The following TMCC3 variants were observed in gnomAD, a reference collection of about 807,000 sequenced individuals.
TMCC3 encodes the protein transmembrane and coiled-coil domain family 3, also known as transmembrane and coiled-coil domain protein 3.
In TMCC3, 28 loss-of-function variants were observed where a neutral mutation model predicts 40.2. The ratio of observed to expected loss-of-function variants is 0.70; its 90% CI spans 0.52 to 0.95. The LOEUF is 0.95. TMCC3 is among the 40% of genes least tolerant of loss of function. The pLI is 0.00. For missense variants in TMCC3, 554 were observed against 615.2 expected (o/e 0.90, Z 1.05); for synonymous variants, 255 against 248.5 (o/e 1.03, Z -0.25).
chr12:94,574,724 C>T (rs1387214315), intron 3 of TMCC3, among the ~76,000 whole-genome samples: 1 of 152,208 alleles, frequency 6.6e-6, no homozygotes, highest in Non-Finnish European at 1.5e-5. Context: ...TCAGCAATAA[C>T]AGGCATGTAC....
At chr12:94,620,651 C>T (rs575937536) in intron 1 of TMCC3, among the ~76,000 whole-genome samples, 376 of 151,824 alleles carry the variant, frequency 2.5e-3, no homozygotes, top group Non-Finnish European at 4.5e-3. Flanking sequence ...AAAATGTGAA[C>T]CTTTATCATT....
intron 3 of TMCC3, among the ~76,000 whole-genome samples, chr12:94,575,171 T>C (rs1566312790): frequency 6.6e-6 from 1 of 152,180 alleles, no homozygotes; most frequent in Admixed American, 6.5e-5. Flanking sequence ...AGCCTCCCTG[T>C]CTCTGGCAGC....
chr12:94,626,442 T>C (rs2068904499), intron 1 of TMCC3, among the ~76,000 whole-genome samples: 1 of 152,222 alleles, frequency 6.6e-6, no homozygotes, highest in African/African-American at 2.4e-5. Flanking sequence ...ATTAGACTTA[T>C]TTAAATTAAT....
At chr12:94,589,290 G>A (rs941035346) in intron 1 of TMCC3, among the ~76,000 whole-genome samples, 2 of 152,178 alleles carry the variant, frequency 1.3e-5, no homozygotes, top group African/African-American at 4.8e-5. Flanking sequence ...GAATGTGCTA[G>A]GCTTTGCCAT....
At chr12:94,594,610 A>G (rs749373246) in intron 1 of TMCC3, among the ~76,000 whole-genome samples, 2 of 152,170 alleles carry the variant, frequency 1.3e-5, no homozygotes, top group Non-Finnish European at 2.9e-5. Context: ...AGGGGAAGCC[A>G]GCAAGGAAGG....
chr12:94,578,402 C>G lies in TMCC3; in HGVS notation c.1123G>C (p.Asp375His), dbSNP rs1181406686. Reference protein sequence around the residue: ...VAYQAYERSRDIQEALESCQT... With the variant: ...VAYQAYERSRHIQEALESCQT... ...CACAAAGGGAAAGGTACCTGGATGT[C>G]CCGCGAGCGCTCGTAGGCCTGGTAG... The change falls in exon 3 of 4, where the codon GAC becomes CAC. Residue 375 changes from aspartate (D) to histidine (H), a missense_variant. Asp to His is a moderately conservative substitution (Grantham distance 81, BLOSUM62 -1). Coordinates refer to ENST00000261226, the MANE Select transcript of TMCC3 (RefSeq NM_020698.4). 2.0e-5 allele frequency: 32 copies of G among 1,613,674 alleles called. No homozygotes were observed. The highest frequency in any genetic ancestry group is 2.7e-5 in the Non-Finnish European group (32 of 1,179,826).
chr12:94,635,957 C>T (rs1267255561), intron 1 of TMCC3, among the ~76,000 whole-genome samples: 1 of 151,890 alleles, frequency 6.6e-6, no homozygotes, highest in Non-Finnish European at 1.5e-5. Flanking sequence ...GCATAAGCCA[C>T]TGAGCCTGGC....
At chr12:94,584,321 G>C (rs1259847729) in intron 1 of TMCC3, among the ~76,000 whole-genome samples, 2 of 152,140 alleles carry the variant, frequency 1.3e-5, no homozygotes, top group Admixed American at 1.3e-4. Context: ...CGTGGGAAGT[G>C]CCTGCTCCCG....
chr12:94,649,053 A>C (rs2069037058), intron 1 of TMCC3, among the ~76,000 whole-genome samples: 2 of 152,228 alleles, frequency 1.3e-5, no homozygotes, highest in Non-Finnish European at 1.5e-5. Flanking sequence ...ACTGTTACGA[A>C]ACTTATACAC....
Position 94,605,921 on chromosome 12 carries a change from G to A in TMCC3, c.79-23383C>T, listed in dbSNP as rs1188063307. On this transcript the variant is annotated intron_variant, in intron 1 of 3. Coordinates refer to ENST00000261226, the MANE Select transcript of TMCC3 (RefSeq NM_020698.4). ...TCTCCTGAATGCAGGAAAGTACCACGGTTACACCAATCTACTCCGTCAAAC... is the reference window on the plus strand; with the variant it reads ...TCTCCTGAATGCAGGAAAGTACCACAGTTACACCAATCTACTCCGTCAAAC... Among the ~76,000 whole-genome samples, 7 of 152,152 alleles carry A rather than the reference G, an allele frequency of 4.6e-5. No homozygotes were observed. The East Asian group carries it at 7.7e-4, about 17-fold the overall frequency.
At chr12:94,590,260 ATTTTTTTTTTT>A (rs72186655) in intron 1 of TMCC3, among the ~76,000 whole-genome samples, 1 of 85,358 alleles carries the variant, frequency 1.2e-5, no homozygotes. Flanking sequence ...CGCCCTGCTA[ATTTTTTTTTTT>A]TTTTTTTTTT....
chr12:94,617,032 G>A (rs1342260829), intron 1 of TMCC3, among the ~76,000 whole-genome samples: 1 of 152,180 alleles, frequency 6.6e-6, no homozygotes, highest in Admixed American at 6.5e-5. Flanking sequence ...GGGTGGTCGT[G>A]AGAGGTCTAT....
Position 94,571,757 on chromosome 12 carries a change from C to G in TMCC3, c.1132-20G>C. 6.2e-7 allele frequency: 1 copy of G among 1,611,594 alleles called. No homozygotes were observed. The highest frequency in any genetic ancestry group is 8.5e-7 in the Non-Finnish European group (1 of 1,178,638). Reference sequence around the variant, plus strand: ...GGCTTCCTGTGAGCAAGAGGGAGAGCAAGGGTCAAACGGTGTTGGGATGGT... The same window carrying G: ...GGCTTCCTGTGAGCAAGAGGGAGAGGAAGGGTCAAACGGTGTTGGGATGGT... On this transcript the variant is annotated intron_variant, in intron 3 of 3. Coordinates refer to ENST00000261226, the MANE Select transcript of TMCC3 (RefSeq NM_020698.4).
At chr12:94,609,087 G>T (rs965722621) in intron 1 of TMCC3, among the ~76,000 whole-genome samples, 17 of 151,956 alleles carry the variant, frequency 1.1e-4, no homozygotes, top group African/African-American at 3.9e-4. Flanking sequence ...AATTAGCTGG[G>T]TGTGGTGGCA....
rs2068514493 is a variant in TMCC3, at chr12:94,569,560, G to C, written c.*1875C>G. ...AAGATTTCATGAAATGACATTTATT[G>C]TTTAAAAAAGCGTGAGTCTGGAATT... On this transcript the variant is annotated 3_prime_UTR_variant, in exon 4 of 4. Transcript: ENST00000261226. The C allele has an allele frequency of 6.6e-6, 1 of 152,028 alleles. No homozygotes were observed. Among genetic ancestry groups the C allele is most frequent in the Non-Finnish European group, 1.5e-5 (1 of 67,986 alleles). 9.4% of individuals were successfully genotyped at this position (152,028 alleles called of 1,614,324 possible).
intron 1 of TMCC3, among the ~76,000 whole-genome samples, chr12:94,642,109 C>A (rs2068994213): frequency 6.6e-6 from 1 of 152,018 alleles, no homozygotes; most frequent in South Asian, 2.1e-4. Context: ...TTTGTTCATA[C>A]CTACTGAAAA....
intron 1 of TMCC3, among the ~76,000 whole-genome samples, chr12:94,630,313 AC>A (rs1181516907): frequency 1.9e-4 from 28 of 151,226 alleles, no homozygotes; most frequent in Non-Finnish European, 1.9e-4. Context: ...GGAAAATAAA[AC>A]CCCCATCATC....
At chr12:94,624,467 C>T (rs1167573116) in intron 1 of TMCC3, among the ~76,000 whole-genome samples, 1 of 152,104 alleles carries the variant, frequency 6.6e-6, no homozygotes, top group Admixed American at 6.5e-5. Context: ...AATCCCAGCA[C>T]TTTGGGAGGC....
At chr12:94,585,018 A>G (rs1463046262) in intron 1 of TMCC3, among the ~76,000 whole-genome samples, 1 of 152,164 alleles carries the variant, frequency 6.6e-6, no homozygotes, top group Non-Finnish European at 1.5e-5. Context: ...TGAAACTTAG[A>G]AAATGTTTAT....
Sources: gnomAD v4.1 joint callset for allele counts (sites outside exome capture counted in the v4.1 genomes callset) on GRCh38, gnomAD v4.1.1 for gene constraint, MANE v1.5 for transcripts, NCBI Gene and HGNC (gene_info 2026-07-23, HGNC 2026-07-21) for gene names.